Variants in KRT4 observed in about 807,000 individuals in gnomAD.
KRT4 encodes the protein keratin, type II cytoskeletal 4.
Under a neutral mutation model 50.6 loss-of-function variants are expected in KRT4, and 47 were observed. That is an observed-to-expected ratio of 0.93 (90% CI 0.73 to 1.18). KRT4 has a LOEUF of 1.18. KRT4 is among the 50% of genes most tolerant of loss of function. The pLI is 0.00. For missense variants in KRT4, 651 were observed against 645.7 expected (o/e 1.01, Z -0.09); for synonymous variants, 254 against 251.2 (o/e 1.01, Z -0.10).
chr12:52,813,084 A>C (rs1240999235), intron 1 of KRT4, among the ~76,000 whole-genome samples: 1 of 152,214 alleles, frequency 6.6e-6, no homozygotes, highest in African/African-American at 2.4e-5. Flanking sequence ...ACAGACCCAG[A>C]CATGAGCAGT....
chr12:52,807,690 T>G lies in KRT4; in HGVS notation c.1300A>C (p.Ile434Leu), dbSNP rs775355098. ...AGTTTGCGGTAGGTGGCGATCTCGA[T>G]GTCCAAGGCCAGCTTCACACTCATG... ...ELMSVKLALD[I>L]EIATYRKLLE... is the part of the protein sequence containing the mutation. Residue 434 changes from isoleucine (I) to leucine (L), a missense_variant, in exon 7 of 9, where the codon ATC becomes CTC. By Grantham distance (5) the Ile-to-Leu change is conservative (BLOSUM62 2). Transcript: ENST00000551956. 5 of 1,614,046 alleles carry G rather than the reference T, an allele frequency of 3.1e-6. No homozygotes were observed. The highest frequency in any genetic ancestry group is 1.3e-5 in the African/African-American group (1 of 74,934).
intron 1 of KRT4, among the ~76,000 whole-genome samples, chr12:52,812,263 C>G (rs1233236640): frequency 6.6e-6 from 1 of 152,138 alleles, no homozygotes; most frequent in East Asian, 1.9e-4. Flanking sequence ...CCGCAGGCAC[C>G]CAAAGCCCCA....
At chr12:52,810,614 T>G (rs901372936) in intron 3 of KRT4, 142 bp downstream of exon 3, 8 of 732,184 alleles carry the variant, frequency 1.1e-5, no homozygotes, top group Non-Finnish European at 1.7e-5. Flanking sequence ...GTTACCCACT[T>G]TCCTTGACTA....
chr12:52,813,978 T>C lies in KRT4; in HGVS notation c.81A>G (p.Arg27=), dbSNP rs1303919854. ...ACATGGAGACTGAGCTGAAGGCACC[T>C]CTCTTGCCACCGCCTACAATGGCCG... ...CGSAIVGGGK[R]GAFSSVSMSG... The change falls in exon 1 of 9, where the codon AGA becomes AGG. Residue 27 remains arginine, a synonymous_variant. Coordinates refer to ENST00000551956, the MANE Select transcript of KRT4 (RefSeq NM_002272.4). 6.2e-7 allele frequency: 1 copy of C among 1,614,028 alleles called. No individual in the cohort carries two copies. The highest frequency in any genetic ancestry group is 1.1e-5 in the South Asian group (1 of 91,078).
intron 1 of KRT4, among the ~76,000 whole-genome samples, chr12:52,812,678 G>A (rs2121255395): frequency 6.6e-6 from 1 of 152,344 alleles, no homozygotes; most frequent in Middle Eastern, 3.4e-3. Context: ...GAGATGAGAT[G>A]AGACAAGGAT....
At position 52,808,711 on chromosome 12, in the gene KRT4, T is replaced by C; in HGVS notation, c.974A>G (p.Glu325Gly). 1 of 1,614,176 alleles carries C rather than the reference T, an allele frequency of 6.2e-7. No homozygotes were observed. Among genetic ancestry groups the C allele is most frequent in the Non-Finnish European group, 8.5e-7 (1 of 1,180,030 alleles). ...CTTGGTCTGGTACAGGGCTTCAGCCTCAGCCTTGCTCCTCTGGGCAATCTC... is the reference window on the plus strand; with the variant it reads ...CTTGGTCTGGTACAGGGCTTCAGCCCCAGCCTTGCTCCTCTGGGCAATCTC... Reference protein sequence around the residue: ...YEEIAQRSKAEAEALYQTKVQ... With the variant: ...YEEIAQRSKAGAEALYQTKVQ... Residue 325 changes from glutamate to glycine, a missense_variant, in exon 5 of 9, where the codon GAG (glutamate) becomes GGG (glycine). Glu to Gly is a moderately conservative substitution (Grantham distance 98). Coordinates refer to ENST00000551956, the MANE Select transcript of KRT4 (RefSeq NM_002272.4).
chr12:52,809,972 A>G (rs1308302137), intron 3 of KRT4, among the ~76,000 whole-genome samples: 1 of 152,252 alleles, frequency 6.6e-6, no homozygotes, highest in Non-Finnish European at 1.5e-5. Flanking sequence ...ATGGAACTGG[A>G]GGCCATTATC....
Position 52,811,972 on chromosome 12 carries a change from C to T in KRT4, c.468G>A (p.Gln156=). The T allele has an allele frequency of 1.2e-6, 2 of 1,613,118 alleles. No homozygotes were observed. The highest frequency in any genetic ancestry group is 1.7e-6 in the Non-Finnish European group (2 of 1,179,594). The change falls in exon 2 of 9, where the codon CAG becomes CAA. Residue 156 remains glutamine, a synonymous_variant. Coordinates refer to ENST00000551956, the MANE Select transcript of KRT4 (RefSeq NM_002272.4). ...GGACCTTATTCTGTTGCTCTAAGAA[C>T]TGCACCTGTGTTGATAAAGGCACCA... ...NKFASFIDKV[Q]FLEQQNKVLE...
intron 4 of KRT4, chr12:52,809,106 T>C (rs767974172): frequency 3.2e-6 from 2 of 623,406 alleles, no homozygotes. Flanking sequence ...AGGGAATGGA[T>C]CCATTTCACC....
chr12:52,807,315 AC>A (rs1274595747), intron 8 of KRT4, 43 bp downstream of exon 8: 9 of 1,613,902 alleles, frequency 5.6e-6, no homozygotes, highest in Non-Finnish European at 6.8e-6. Flanking sequence ...GTCTGGCAAG[AC>A]CCGGGTGAAT....
Position 52,806,892 on chromosome 12 carries a change from A to C in KRT4, c.*177T>G. On this transcript the variant is annotated 3_prime_UTR_variant, in exon 9 of 9. Coordinates refer to ENST00000551956, the MANE Select transcript of KRT4 (RefSeq NM_002272.4). ...AAGTAGCTACCAAACTCCAAGAGGC[A>C]GAGTCCCTGTCCCAGCACAGAAGAT... is the stretch of plus-strand genomic sequence containing the variant. 1.4e-6 allele frequency: 1 copy of C among 726,024 alleles called. No individual in the cohort carries two copies. The highest frequency in any genetic ancestry group is 2.4e-6 in the Non-Finnish European group (1 of 420,220). 45.0% of individuals were successfully genotyped at this position (726,024 alleles called of 1,614,324 possible). A position where few individuals can be genotyped will look rare whatever the true frequency, so the allele number is the denominator to read the frequency against.
Position 52,813,594 on chromosome 12 carries a change from C to T in KRT4, c.462+3G>A. 1 of 1,613,520 alleles carries T rather than the reference C, an allele frequency of 6.2e-7. No individual in the cohort carries two copies. The highest frequency in any genetic ancestry group is 8.5e-7 in the Non-Finnish European group (1 of 1,179,566). Reference sequence around the variant, plus strand: ...CCCCTCTCCAGCCGAGGACACAGCTCACCTTGTCGATGAAGGAGGCAAACT... The same window carrying T: ...CCCCTCTCCAGCCGAGGACACAGCTTACCTTGTCGATGAAGGAGGCAAACT... On this transcript the variant is annotated splice_donor_region_variant and intron_variant, in intron 1 of 8. Transcript: ENST00000551956.
At chr12:52,808,112 G>A (rs995523982) in intron 6 of KRT4, among the ~76,000 whole-genome samples, 182 bp downstream of exon 6, 13 of 152,178 alleles carry the variant, frequency 8.5e-5, no homozygotes, top group African/African-American at 2.2e-4. Context: ...GCACAGGAGC[G>A]TCATGGTGTG....
At chr12:52,809,843 A>G (rs774491474) in intron 3 of KRT4, among the ~76,000 whole-genome samples, 1 of 152,244 alleles carries the variant, frequency 6.6e-6, no homozygotes, top group Non-Finnish European at 1.5e-5. Context: ...AAAGATACCA[A>G]ATCAACCTAA....
rs1167610235 is a variant in KRT4, at chr12:52,807,126, G to A, written c.1506C>T (p.Val502=). 2 of 1,614,132 alleles carry A rather than the reference G, an allele frequency of 1.2e-6. No individual in the cohort carries two copies. Among genetic ancestry groups the A allele is most frequent in the East Asian group, 2.2e-5 (1 of 44,876 alleles). The part of the protein sequence containing the change: ...SGSGFGFGGS[V]SGSSSSKIIS... ...TGATCTTGCTGCTGGAACTGCCAGAGACACTGCCACCAAACCCAAAGCCAC... is the reference window on the plus strand; with the variant it reads ...TGATCTTGCTGCTGGAACTGCCAGAAACACTGCCACCAAACCCAAAGCCAC... Residue 502 remains valine, a synonymous_variant, in exon 9 of 9, where the codon GTC becomes GTT. Coordinates refer to ENST00000551956, the MANE Select transcript of KRT4 (RefSeq NM_002272.4).
Position 52,811,860 on chromosome 12 carries a change from C to G in KRT4, c.580G>C (p.Val194Leu), listed in dbSNP as rs563252626. The G allele has an allele frequency of 1.2e-6, 2 of 1,613,880 alleles. No individual in the cohort carries two copies. The highest frequency in any genetic ancestry group is 2.2e-5 in the South Asian group (2 of 91,064). ...AAGGTATCTAGCTGCTTCCTCAGGA[C>G]ACTGAGGTAGGTCTCAAAGAGGGGC... ...LEPLFETYLS[V>L]LRKQLDTLGN... Residue 194 changes from valine to leucine, a missense_variant, in exon 2 of 9, where the codon GTC becomes CTC. Val to Leu is a conservative substitution (Grantham distance 32, BLOSUM62 1). Coordinates refer to ENST00000551956, the MANE Select transcript of KRT4 (RefSeq NM_002272.4).
rs1270439155 is a variant in KRT4 at position 52,807,877 on chromosome 12, G to A, written c.1126-13C>T. 14 of 1,611,236 alleles carry A rather than the reference G, an allele frequency of 8.7e-6. No homozygotes were observed. Among genetic ancestry groups the A allele is most frequent in the Admixed American group, 1.7e-5 (1 of 59,986 alleles). On this transcript the variant is annotated splice_polypyrimidine_tract_variant and intron_variant, in intron 6 of 8. Transcript: ENST00000551956. ...GAAGAGTCTGGCACTATTGACAAAG[G>A]CATTAGATAGGTGGTCAGCAGTGCC...
chr12:52,808,177 A>G, intron 6 of KRT4, 117 bp downstream of exon 6: 2 of 1,362,740 alleles, frequency 1.5e-6, no homozygotes, highest in Non-Finnish European at 2.1e-6. Flanking sequence ...AGAGCTATGA[A>G]TTCCCAGCAA....
At chr12:52,810,715 G>A (rs1402001429) in intron 3 of KRT4, 41 bp downstream of exon 3, 5 of 1,561,636 alleles carry the variant, frequency 3.2e-6, no homozygotes, top group Admixed American at 3.3e-5. Flanking sequence ...CCAAGGGAAG[G>A]GGCACCCTGA....
Sources: gnomAD v4.1 joint callset for allele counts (sites outside exome capture counted in the v4.1 genomes callset) on GRCh38, gnomAD v4.1.1 for gene constraint, MANE v1.5 for transcripts, NCBI Gene and HGNC (gene_info 2026-07-23, HGNC 2026-07-21) for gene names.